Variants in KALRN observed in about 807,000 individuals in gnomAD.
The protein encoded by KALRN is kalirin RhoGEF kinase.
KALRN carries 70 observed loss-of-function variants against 353.7 expected under a neutral mutation model. That is an observed-to-expected ratio of 0.20 (90% confidence interval 0.16 to 0.24). The LOEUF (loss-of-function observed/expected upper bound fraction) is 0.24, where lower values mean the gene tolerates loss of function less well. KALRN is among the 10% of genes least tolerant of loss of function. The probability of loss-of-function intolerance (pLI) is 1.00; values close to 1 mark genes in which losing one functional copy is unlikely to be tolerated. For synonymous variants in KALRN, 1,391 were observed against 1,434.8 expected (o/e 0.97, Z 0.69); for missense variants, 2,791 against 3,756.7 (o/e 0.74, Z 6.72).
At chr3:124,450,097 T>C (rs771204133) in intron 21 of KALRN, among the ~76,000 whole-genome samples, 31 of 152,242 alleles carry the variant, frequency 2.0e-4, no homozygotes, top group Non-Finnish European at 4.4e-4. Context: ...AGTTCTACTA[T>C]GTTTAACTTT....
intron 58 of KALRN, 30 bp downstream of exon 58, chr3:124,713,165 G>A (rs767287811): frequency 2.1e-5 from 33 of 1,566,752 alleles, no homozygotes; most frequent in Middle Eastern, 3.4e-4. Flanking sequence ...CTCTAAAGTC[G>A]CCTGCATCCA....
At chr3:124,441,417 G>A (rs945383131) in intron 18 of KALRN, among the ~76,000 whole-genome samples, 1 of 152,192 alleles carries the variant, frequency 6.6e-6, no homozygotes, top group Non-Finnish European at 1.5e-5. Flanking sequence ...TTGAAAAAAG[G>A]AAAGCTCAGA....
intron 5 of KALRN, among the ~76,000 whole-genome samples, chr3:124,270,829 T>TG (rs71145442): frequency 0.49 from 66,416 of 136,290 alleles, 15,341 homozygotes; most frequent in East Asian, 0.56. Flanking sequence ...GTTTTGTTTT[T>TG]TTTTTTTTTT....
rs1239628185 is a variant in KALRN at position 124,262,363 on chromosome 3, A to G, written c.264-2135A>G. Among the ~76,000 whole-genome samples, 4 of 152,368 alleles carry G rather than the reference A, an allele frequency of 2.6e-5. No homozygotes were observed. In the South Asian group the frequency reaches 6.2e-4, roughly 24 times the overall value. ...AAGTCCTACCATTAGCATCTCTTGC[A>G]TGGATCTTTGACTACTTCAACTTTT... is the stretch of plus-strand genomic sequence containing the variant. On this transcript the variant is annotated intron_variant, in intron 3 of 59. Coordinates refer to ENST00000682506, the MANE Select transcript of KALRN (RefSeq NM_001388419.1).
chr3:124,366,216 A>C (rs2084672573), intron 10 of KALRN, among the ~76,000 whole-genome samples: 1 of 148,248 alleles, frequency 6.7e-6, no homozygotes, highest in Non-Finnish European at 1.5e-5. Context: ...TTTTTAATTT[A>C]TTTTTTTATT....
At chr3:124,668,041 G>GACAC (rs2085869383) in intron 47 of KALRN, among the ~76,000 whole-genome samples, 1 of 103,960 alleles carries the variant, frequency 9.6e-6, no homozygotes, top group Non-Finnish European at 2.0e-5. Context: ...CCTGTATATC[G>GACAC]AGACACACAC....
chr3:124,451,336 A>C (rs1005276155), intron 21 of KALRN, among the ~76,000 whole-genome samples: 1 of 152,108 alleles, frequency 6.6e-6, no homozygotes, highest in East Asian at 1.9e-4. Context: ...CCCTCTTTTG[A>C]ACCTCTGTCT....
At chr3:124,061,859 C>T (rs1253254596) in intron 1 of KALRN, among the ~76,000 whole-genome samples, 1 of 152,088 alleles carries the variant, frequency 6.6e-6, no homozygotes, top group Non-Finnish European at 1.5e-5. Flanking sequence ...GCTGAGGACA[C>T]CAGGAGTAGA....
intron 10 of KALRN, 133 bp from the exon 11 acceptor site, chr3:124,384,712 G>A: frequency 1.2e-6 from 1 of 824,762 alleles, no homozygotes; most frequent in Non-Finnish European, 1.8e-6. Context: ...TCCGCGCACC[G>A]CGCCTCAGTG....
chr3:124,564,300 T>C (rs534304517), intron 34 of KALRN, among the ~76,000 whole-genome samples: 2 of 151,960 alleles, frequency 1.3e-5, no homozygotes, highest in Admixed American at 1.3e-4. Flanking sequence ...GGAGGATCAC[T>C]TGAGCCCAGG....
rs1267686590 is a variant in KALRN, at chr3:124,656,697, G to A, written c.5863-751G>A. 3.3e-5 allele frequency among the ~76,000 whole-genome samples: 5 copies of A among 152,244 alleles called. No individual in the cohort carries two copies. In the East Asian group the frequency reaches 9.6e-4, roughly 29 times the overall value. On this transcript the variant is annotated intron_variant, in intron 39 of 59. Transcript: ENST00000682506. ...CATTGCCTGCTGGTTCCTTACATTT[G>A]GCCTGAGTTCCCATCCTGTGAAATC...
chr3:124,098,861 A>G lies in KALRN; in HGVS notation c.73+65048A>G, dbSNP rs1278897191. 2.6e-5 allele frequency among the ~76,000 whole-genome samples: 4 copies of G among 152,350 alleles called. No homozygotes were observed. In the South Asian group the frequency reaches 8.3e-4, roughly 32 times the overall value. The stretch of plus-strand genomic sequence containing the variant: ...ACAACAGTGTAGGAGGTATGTGGAT[A>G]TGGTTAAAATAGTGACAGAAGTACA... On this transcript the variant is annotated intron_variant, in intron 1 of 59. Transcript: ENST00000682506.
chr3:124,185,321 C>T (rs1297064288), intron 1 of KALRN, among the ~76,000 whole-genome samples: 1 of 152,222 alleles, frequency 6.6e-6, no homozygotes, highest in Non-Finnish European at 1.5e-5. Context: ...TAACCTCTAA[C>T]AAATGCAACA....
At chr3:124,663,538 C>T (rs1033584580) in intron 45 of KALRN, among the ~76,000 whole-genome samples, 1 of 152,056 alleles carries the variant, frequency 6.6e-6, no homozygotes, top group African/African-American at 2.4e-5. Flanking sequence ...ATAAATTAAC[C>T]ACACACAATA....
chr3:124,604,223 C>T (rs774494118), intron 34 of KALRN, among the ~76,000 whole-genome samples: 4 of 152,034 alleles, frequency 2.6e-5, no homozygotes, highest in Non-Finnish European at 5.9e-5. Flanking sequence ...CATATGTATA[C>T]ATGTGCCATG....
chr3:124,237,393 C>T (rs1164157827), intron 3 of KALRN, among the ~76,000 whole-genome samples: 2 of 147,654 alleles, frequency 1.4e-5, no homozygotes, highest in Admixed American at 1.4e-4. Context: ...GACTGAGTCT[C>T]ACTCTATCAC....
chr3:124,224,126 C>G (rs1305629467), intron 1 of KALRN, among the ~76,000 whole-genome samples: 3 of 150,192 alleles, frequency 2.0e-5, no homozygotes, highest in African/African-American at 7.4e-5. Context: ...CACGTTGGGT[C>G]AGGTCCATGA....
rs143930473 is a variant in KALRN at position 124,523,243 on chromosome 3, G to T, written c.4935+26830G>T. On this transcript the variant is annotated intron_variant, in intron 33 of 59. Coordinates refer to ENST00000682506, the MANE Select transcript of KALRN (RefSeq NM_001388419.1). ...TTTCATAACACTAGCTATAGCTTTC[G>T]CCTGAGACATCTATTCTGGGATCAT... Among the ~76,000 whole-genome samples the T allele has an allele frequency of 2.9e-3, 435 of 152,076 alleles. 2 individuals carry two copies. Among genetic ancestry groups the T allele is most frequent in the African/African-American group, 9.9e-3 (409 of 41,470 alleles).
intron 34 of KALRN, among the ~76,000 whole-genome samples, chr3:124,602,939 G>A (rs62267592): frequency 2.7e-5 from 1 of 37,514 alleles, no homozygotes; most frequent in Non-Finnish European, 4.8e-5. Flanking sequence ...CAGTTTTCGT[G>A]GTTTTTTTTT....
Sources: gnomAD v4.1 joint callset for allele counts (sites outside exome capture counted in the v4.1 genomes callset) on GRCh38, gnomAD v4.1.1 for gene constraint, MANE v1.5 for transcripts, NCBI Gene and HGNC (gene_info 2026-07-23, HGNC 2026-07-21) for gene names.